The following ARHGAP42 variants were observed in gnomAD, a reference collection of about 807,000 sequenced individuals.
ARHGAP42 encodes the protein rho GTPase-activating protein 42.
In ARHGAP42, 63 loss-of-function variants were observed where a neutral mutation model predicts 125.0. The observed-to-expected ratio is 0.50, with a 90% CI of 0.41 to 0.62. The LOEUF (loss-of-function observed/expected upper bound fraction) is 0.62. ARHGAP42 is among the 20% of genes least tolerant of loss of function. ARHGAP42 has a pLI of 0.00. For synonymous variants in ARHGAP42, 339 were observed against 351.0 expected (o/e 0.97, Z 0.38); for missense variants, 766 against 1,024.2 (o/e 0.75, Z 3.44).
At chr11:100,770,771 A>T (rs1479552140) in intron 2 of ARHGAP42, among the ~76,000 whole-genome samples, 1 of 152,066 alleles carries the variant, frequency 6.6e-6, no homozygotes, top group Non-Finnish European at 1.5e-5. Flanking sequence ...TAGACACAGG[A>T]TTTCACCATT....
At chr11:100,837,666 C>CTATTTTTTTTTTTTTTTTTTTTTTTTTT (rs1555008871) in intron 3 of ARHGAP42, among the ~76,000 whole-genome samples, 1 of 61,070 alleles carries the variant, frequency 1.6e-5, no homozygotes, top group African/African-American at 7.0e-5. Flanking sequence ...AGGTGTCATC[C>CTATTTTTTTTTTTTTTTTTTTTTTTTTT]TTTTTTTTTT....
At chr11:100,935,212 G>A (rs994024178) in intron 7 of ARHGAP42, among the ~76,000 whole-genome samples, 2 of 151,806 alleles carry the variant, frequency 1.3e-5, no homozygotes, top group African/African-American at 4.8e-5. Flanking sequence ...AAACATATTT[G>A]TGAGGTAATG....
chr11:100,728,189 C>T (rs549998284), intron 1 of ARHGAP42, among the ~76,000 whole-genome samples: 30 of 152,226 alleles, frequency 2.0e-4, no homozygotes, highest in African/African-American at 6.5e-4. Flanking sequence ...ATAGATTTTA[C>T]TGAAACCTCT....
intron 6 of ARHGAP42, among the ~76,000 whole-genome samples, chr11:100,927,029 T>C (rs1867445197): frequency 6.6e-6 from 1 of 152,216 alleles, no homozygotes; most frequent in Non-Finnish European, 1.5e-5. Flanking sequence ...AGCTAAAATA[T>C]AGTGCTTTTG....
At position 100,941,798 on chromosome 11, in the gene ARHGAP42, AC is replaced by A; in HGVS notation, c.848del (p.Thr283AsnfsTer18). ...CCTTACATTAGGACCGCTTGGTTTTACATGGATTAAACATTATTGTACATAT... is the reference window on the plus strand; with the variant it reads ...CCTTACATTAGGACCGCTTGGTTTTAATGGATTAAACATTATTGTACATAT... Reference protein sequence around the residue: ...YVQEKRPLGFTWIKHYCTYDK... With the variant: ...YVQEKRPLGFXWIKHYCTYDK... On this transcript the variant is annotated frameshift_variant, in exon 9 of 24. Coordinates refer to ENST00000298815, the MANE Select transcript of ARHGAP42 (RefSeq NM_152432.4). LOFTEE classifies it high-confidence loss of function. 1.3e-6 allele frequency: 2 copies of A among 1,519,496 alleles called. No individual in the cohort carries two copies. The highest frequency in any genetic ancestry group is 1.8e-6 in the Non-Finnish European group (2 of 1,136,508). 94.1% of individuals were successfully genotyped at this position (1,519,496 alleles called of 1,614,324 possible).
chr11:100,885,042 T>C (rs182502385), intron 4 of ARHGAP42, among the ~76,000 whole-genome samples: 2 of 152,164 alleles, frequency 1.3e-5, no homozygotes, highest in Non-Finnish European at 2.9e-5. Context: ...GTTGCCAGAT[T>C]AGAACTGGCA....
chr11:100,937,156 A>AT (rs1334320253), intron 8 of ARHGAP42, among the ~76,000 whole-genome samples: 2 of 152,222 alleles, frequency 1.3e-5, no homozygotes, highest in East Asian at 3.9e-4. Flanking sequence ...CTCTGCAAAC[A>AT]TTTATTACTG....
Position 100,928,524 on chromosome 11 carries a change from T to C in ARHGAP42, c.598-4632T>C, listed in dbSNP as rs1025795428. Among the ~76,000 whole-genome samples the C allele has an allele frequency of 7.9e-5, 12 of 151,894 alleles. 1 individual carries two copies. The South Asian group carries it at 2.5e-3, about 32-fold the overall frequency. ...TCACTTGAGCCTGGGAAGTCAAAAC[T>C]GCAGTGAACTCTAATCATGCCACTA... On this transcript the variant is annotated intron_variant, in intron 6 of 23. Coordinates refer to ENST00000298815, the MANE Select transcript of ARHGAP42 (RefSeq NM_152432.4).
At chr11:100,898,706 A>G (rs905520037) in intron 4 of ARHGAP42, among the ~76,000 whole-genome samples, 9 of 151,868 alleles carry the variant, frequency 5.9e-5, no homozygotes, top group Admixed American at 5.9e-4. Context: ...ATCATTTTTT[A>G]TTGCATCTAT....
chr11:100,935,134 A>ATT (rs34682694), intron 7 of ARHGAP42, among the ~76,000 whole-genome samples: 9 of 146,632 alleles, frequency 6.1e-5, no homozygotes, highest in Non-Finnish European at 1.4e-4. Context: ...TAATTTTGAG[A>ATT]TTTTTTTTTT....
rs1287161291 is a variant in ARHGAP42 at position 100,941,765 on chromosome 11, T to G, written c.833-19T>G. Reference sequence around the variant, plus strand: ...CATTTATTAACAAAATCTGAAATTTTTTTGTTTCCTTACATTAGGACCGCT... The same window carrying G: ...CATTTATTAACAAAATCTGAAATTTGTTTGTTTCCTTACATTAGGACCGCT... On this transcript the variant is annotated intron_variant, in intron 8 of 23. Transcript: ENST00000298815. 2 of 1,440,848 alleles carry G rather than the reference T, an allele frequency of 1.4e-6. No homozygotes were observed. The highest frequency in any genetic ancestry group is 1.9e-6 in the Non-Finnish European group (2 of 1,079,832). 89.3% of individuals were successfully genotyped at this position (1,440,848 alleles called of 1,614,324 possible).
intron 1 of ARHGAP42, among the ~76,000 whole-genome samples, chr11:100,751,457 CT>C (rs1181105376): frequency 2.0e-5 from 3 of 149,892 alleles, no homozygotes; most frequent in African/African-American, 7.3e-5. Context: ...CTAATTTATA[CT>C]TTTTTATTTT....
intron 4 of ARHGAP42, among the ~76,000 whole-genome samples, chr11:100,876,749 A>G (rs1318155802): frequency 6.6e-6 from 1 of 152,252 alleles, no homozygotes; most frequent in Non-Finnish European, 1.5e-5. Flanking sequence ...AAGCTCTACC[A>G]TTTATATTCA....
intron 4 of ARHGAP42, among the ~76,000 whole-genome samples, chr11:100,892,468 G>A (rs534369866): frequency 1.3e-5 from 2 of 151,780 alleles, no homozygotes; most frequent in South Asian, 4.1e-4. Flanking sequence ...TCTAAAAAGT[G>A]ACACTCTGGT....
Position 100,780,780 on chromosome 11 carries a change from G to T in ARHGAP42, c.250+10342G>T, listed in dbSNP as rs139562410. Among the ~76,000 whole-genome samples, 48 of 152,318 alleles carry T rather than the reference G, an allele frequency of 3.2e-4. No individual in the cohort carries two copies. In the East Asian group the frequency reaches 6.4e-3, roughly 20 times the overall value. ...TAAGCCACAATGGGTGGCATAAGTA[G>T]TTTAAATTTTTTTTGGAGGACACCA... On this transcript the variant is annotated intron_variant, in intron 2 of 23. Coordinates refer to ENST00000298815, the MANE Select transcript of ARHGAP42 (RefSeq NM_152432.4).
chr11:100,969,274 T>C (rs554367585), intron 17 of ARHGAP42, among the ~76,000 whole-genome samples: 5 of 152,158 alleles, frequency 3.3e-5, no homozygotes, highest in Non-Finnish European at 7.4e-5. Context: ...CTCTTGATGC[T>C]TTCAGAATTT....
At chr11:100,977,612 C>G (rs898324184) in intron 21 of ARHGAP42, among the ~76,000 whole-genome samples, 1 of 152,200 alleles carries the variant, frequency 6.6e-6, no homozygotes, top group Non-Finnish European at 1.5e-5. Context: ...AAAAGTTTCT[C>G]TCCCTTTCAT....
chr11:100,795,061 T>C, intron 2 of ARHGAP42, 44 bp from the exon 3 acceptor site: 9 of 1,405,712 alleles, frequency 6.4e-6, no homozygotes, highest in Non-Finnish European at 8.7e-6. Flanking sequence ...AGATATTAGC[T>C]ATGAAAATAT....
intron 3 of ARHGAP42, among the ~76,000 whole-genome samples, chr11:100,836,280 G>T (rs1864784027): frequency 6.6e-6 from 1 of 152,098 alleles, no homozygotes; most frequent in African/African-American, 2.4e-5. Context: ...GGAATTTTCT[G>T]TTAACCAAGG....
Sources: gnomAD v4.1 joint callset for allele counts (sites outside exome capture counted in the v4.1 genomes callset) on GRCh38, gnomAD v4.1.1 for gene constraint, MANE v1.5 for transcripts, NCBI Gene and HGNC (gene_info 2026-07-23, HGNC 2026-07-21) for gene names.